Variants in HAUS5 observed in about 807,000 individuals in gnomAD.
HAUS5 encodes the protein HAUS augmin-like complex subunit 5.
Under a neutral mutation model 94.1 loss-of-function variants are expected in HAUS5, and 67 were observed. That is an observed-to-expected ratio of 0.71 (90% CI 0.58 to 0.87). The LOEUF (loss-of-function observed/expected upper bound fraction) is 0.87. HAUS5 is among the 40% of genes least tolerant of loss of function. The pLI is 0.00. For synonymous variants in HAUS5, 339 were observed against 355.4 expected (o/e 0.95, Z 0.52); for missense variants, 739 against 825.6 (o/e 0.90, Z 1.29).
intron 17 of HAUS5, among the ~76,000 whole-genome samples, chr19:35,622,164 T>A (rs996876750): frequency 5.9e-5 from 9 of 152,054 alleles, no homozygotes; most frequent in African/African-American, 1.9e-4. Context: ...CTTGGAGGGT[T>A]CTAGACAGGA....
Position 35,617,179 on chromosome 19 carries a change from G to C in HAUS5, c.541G>C (p.Glu181Gln). 6.2e-7 allele frequency: 1 copy of C among 1,614,040 alleles called. No individual in the cohort carries two copies. Among genetic ancestry groups the C allele is most frequent in the East Asian group, 2.2e-5 (1 of 44,874 alleles). The change falls in exon 7 of 19, where the codon GAG (glutamate) becomes CAG (glutamine). Residue 181 changes from glutamate to glutamine, a missense_variant. Transcript: ENST00000203166. ...CCTCACGTCGGCAGCTCTGGGCCTG[G>C]AGCCCGTGGTCCTGGTAAGAGTCCT... ...GSLTSAALGLEPVVLRDVRTA... is the reference protein window; with the variant it reads ...GSLTSAALGLQPVVLRDVRTA...
Position 35,617,428 on chromosome 19 carries a change from CTTAT to C in HAUS5, c.638+65_638+68del, listed in dbSNP as rs3216878. ...GACCCTGGGTTTTAAGTGGGGGTCT[CTTAT>C]TTATTAATTCCTCAGACACTGAGCT... On this transcript the variant is annotated intron_variant, in intron 8 of 18. Transcript: ENST00000203166. 1.6e-4 allele frequency: 182 copies of C among 1,116,790 alleles called. 1 individual carries two copies. The East Asian group carries it at 4.3e-3, about 26-fold the overall frequency. 69.2% of individuals were successfully genotyped at this position (1,116,790 alleles called of 1,614,324 possible).
Position 35,618,880 on chromosome 19 carries a change from C to G in HAUS5, c.1017-7C>G, listed in dbSNP as rs1410710150. The G allele has an allele frequency of 6.3e-7, 1 of 1,596,190 alleles. No individual in the cohort carries two copies. Among genetic ancestry groups the G allele is most frequent in the Non-Finnish European group, 8.5e-7 (1 of 1,171,876 alleles). On this transcript the variant is annotated splice_region_variant and splice_polypyrimidine_tract_variant and intron_variant, in intron 12 of 18. Coordinates refer to ENST00000203166, the MANE Select transcript of HAUS5 (RefSeq NM_015302.2). ...CTCTCCTTTGCTCTCCTCCACTTGC[C>G]CTGCAGGCAGGTGCTGATACTGGGG...
In HAUS5 at chr19:35,622,920, A is replaced by G; in HGVS notation, c.1829A>G (p.Gln610Arg). 6.2e-7 allele frequency: 1 copy of G among 1,614,030 alleles called. No individual in the cohort carries two copies. Among genetic ancestry groups the G allele is most frequent in the South Asian group, 1.1e-5 (1 of 91,078 alleles). ...GCCGCCCTCTCTGAGGAGCTCTGCC[A>G]GGGCCTGTCCCTGCCCCAGTGGCGG... ...GQAALSEELC[Q>R]GLSLPQWRLR... Residue 610 changes from glutamine (Q) to arginine (R), a missense_variant, in exon 19 of 19, where the codon CAG becomes CGG. Gln to Arg is a conservative substitution (Grantham distance 43, BLOSUM62 1). Coordinates refer to ENST00000203166, the MANE Select transcript of HAUS5 (RefSeq NM_015302.2).
intron 17 of HAUS5, among the ~76,000 whole-genome samples, chr19:35,621,528 A>G (rs1360281446): frequency 3.3e-5 from 5 of 152,062 alleles, no homozygotes; most frequent in Non-Finnish European, 7.4e-5. Context: ...TCTTATAATC[A>G]TGGGCATCTT....
rs1409012466 is a variant in HAUS5 at position 35,619,693 on chromosome 19, G to A, written c.1341G>A (p.Leu447=). 2 of 1,578,200 alleles carry A rather than the reference G, an allele frequency of 1.3e-6. No homozygotes were observed. Among genetic ancestry groups the A allele is most frequent in the South Asian group, 1.2e-5 (1 of 86,214 alleles). The change falls in exon 15 of 19, where the codon CTG becomes CTA. Residue 447 remains leucine (L), a synonymous_variant. Coordinates refer to ENST00000203166, the MANE Select transcript of HAUS5 (RefSeq NM_015302.2). ...AGAGCCGGGAGCTGCTGCGCTGTCT[G>A]GAGGAGGAAGTCCGGCATTTGCCCC... ...APQSRELLRC[L]EEEVRHLPHI...
chr19:35,614,970 C>A (rs2071927945), intron 4 of HAUS5, 72 bp from the exon 5 acceptor site: 5 of 1,127,138 alleles, frequency 4.4e-6, no homozygotes, highest in Non-Finnish European at 6.4e-6. Flanking sequence ...AGTTGAGGAG[C>A]CTGGTACCCC....
intron 17 of HAUS5, 58 bp downstream of exon 17, chr19:35,620,385 T>A: frequency 6.6e-7 from 1 of 1,525,004 alleles, no homozygotes. Flanking sequence ...ACCAGCAGCC[T>A]CCACGAGTCC....
At chr19:35,616,368 T>C (rs73046859) in intron 6 of HAUS5, among the ~76,000 whole-genome samples, 4,596 of 152,182 alleles carry the variant, frequency 0.03, 123 homozygotes, top group South Asian at 0.11. Context: ...CTTCTTTCTA[T>C]GTGCCTCAGA....
At chr19:35,618,815 C>T in intron 12 of HAUS5, 72 bp from the exon 13 acceptor site, 1 of 1,530,112 alleles carries the variant, frequency 6.5e-7, no homozygotes, top group East Asian at 2.3e-5. Context: ...TGCAGTGTCT[C>T]TCCCTGGTTT....
chr19:35,614,909 A>G (rs942783620), intron 4 of HAUS5, 133 bp from the exon 5 acceptor site: 9 of 631,586 alleles, frequency 1.4e-5, no homozygotes, highest in Admixed American at 2.8e-5. Context: ...CCAATACCCT[A>G]ATGCTTCTGT....
At position 35,613,908 on chromosome 19, in the gene HAUS5, C is replaced by T. The variant is rs1568326856; in HGVS notation, c.194+8C>T. 1.9e-6 allele frequency: 3 copies of T among 1,613,870 alleles called. No homozygotes were observed. Among genetic ancestry groups the T allele is most frequent in the Non-Finnish European group, 8.5e-7 (1 of 1,179,772 alleles). ...CCGGGGAAACCTACTCTGGTAACTG[C>T]TTCTTAAAGCTATCCCCTCCTGTCT... On this transcript the variant is annotated splice_region_variant and intron_variant, in intron 3 of 18. Transcript: ENST00000203166.
At chr19:35,614,402 C>T (rs1443468168) in intron 4 of HAUS5, among the ~76,000 whole-genome samples, 3 of 151,860 alleles carry the variant, frequency 2.0e-5, no homozygotes, top group Admixed American at 6.6e-5. Context: ...CTGGCCAACA[C>T]GGTGAAGCCC....
At position 35,620,088 on chromosome 19, in the gene HAUS5, G is replaced by T; in HGVS notation, c.1483G>T (p.Ala495Ser). 1 of 1,613,896 alleles carries T rather than the reference G, an allele frequency of 6.2e-7. No homozygotes were observed. The highest frequency in any genetic ancestry group is 8.5e-7 in the Non-Finnish European group (1 of 1,179,952). ...PASPRGSSFI[A>S]LSHKLGLPPG... ...GTCCCCAAGGGGCTCCAGCTTCATA[G>T]CGCTGAGCCACAAGCTGGGGCTGCC... Residue 495 changes from alanine to serine, a missense_variant, in exon 16 of 19, where the codon GCG becomes TCG. By Grantham distance (99) the Ala-to-Ser change is moderately conservative. Transcript: ENST00000203166.
chr19:35,613,945 A>G, intron 3 of HAUS5, 45 bp downstream of exon 3: 1 of 1,610,742 alleles, frequency 6.2e-7, no homozygotes, highest in South Asian at 1.1e-5. Flanking sequence ...CCCCACTCCC[A>G]TTTAGCCCTG....
chr19:35,616,175 G>A (rs942119060), intron 6 of HAUS5, among the ~76,000 whole-genome samples: 11 of 151,988 alleles, frequency 7.2e-5, no homozygotes, highest in African/African-American at 2.7e-4. Flanking sequence ...AAAATTAGTC[G>A]AGTGTGGTGG....
At position 35,622,982 on chromosome 19, in the gene HAUS5, C is replaced by T. The variant is rs751545656; in HGVS notation, c.1891C>T (p.Leu631=). ...WVQAQGALQK[L]CS ...TCAGGCCCAGGGGGCCCTGCAGAAG[C>T]TGTGCAGCTGAAGAGAGGGTTCAAA... The change falls in exon 19 of 19, where the codon CTG becomes TTG. Residue 631 remains leucine (L), a synonymous_variant. Transcript: ENST00000203166. 10 of 1,605,650 alleles carry T rather than the reference C, an allele frequency of 6.2e-6. No homozygotes were observed. Among genetic ancestry groups the T allele is most frequent in the African/African-American group, 2.7e-5 (2 of 74,758 alleles).
Position 35,615,030 on chromosome 19 carries a change from T to C in HAUS5, c.220-12T>C. On this transcript the variant is annotated splice_polypyrimidine_tract_variant and intron_variant, in intron 4 of 18. Transcript: ENST00000203166. Reference sequence around the variant, plus strand: ...CGATCAGACCATCTGACCCTGAATCTGATCCTCCCAGGTCCGTCGGAAGTT... The same window carrying C: ...CGATCAGACCATCTGACCCTGAATCCGATCCTCCCAGGTCCGTCGGAAGTT... 1 of 1,571,186 alleles carries C rather than the reference T, an allele frequency of 6.4e-7. No homozygotes were observed. Among genetic ancestry groups the C allele is most frequent in the South Asian group, 1.2e-5 (1 of 85,798 alleles).
intron 10 of HAUS5, 90 bp downstream of exon 10, chr19:35,618,285 G>A: frequency 3.1e-5 from 49 of 1,600,254 alleles, no homozygotes; most frequent in Non-Finnish European, 4.1e-5. Flanking sequence ...GCCACCTGCT[G>A]ATGGGGTAGA....
Sources: allele counts gnomAD v4.1 joint callset (sites outside exome capture counted in the v4.1 genomes callset), GRCh38; gene constraint gnomAD v4.1.1; transcripts MANE v1.5; gene names NCBI Gene and HGNC (gene_info 2026-07-23, HGNC 2026-07-21).